LRFN5: variants seen among roughly 807,000 people sequenced by gnomAD.
LRFN5 encodes the protein leucine rich repeat and fibronectin type III domain containing 5, also known as leucine-rich repeat and fibronectin type-III domain-containing protein 5.
Under a neutral mutation model 45.6 loss-of-function variants are expected in LRFN5, and 24 were observed. The ratio of observed to expected loss-of-function variants is 0.53; its 90% CI spans 0.38 to 0.74. The LOEUF (loss-of-function observed/expected upper bound fraction) is 0.74. Ranked by LOEUF, LRFN5 falls within the 30% of genes least tolerant of loss-of-function variation. LRFN5 has a pLI of 0.00. For synonymous variants in LRFN5, 340 were observed against 313.8 expected (o/e 1.08, Z -0.88); for missense variants, 776 against 861.5 (o/e 0.90, Z 1.24).
chr14:41,665,145 GA>G (rs916142660), intron 1 of LRFN5, among the ~76,000 whole-genome samples: 4 of 148,514 alleles, frequency 2.7e-5, no homozygotes, highest in African/African-American at 4.9e-5. Context: ...TTTGTTTTTA[GA>G]AAAAAAAATG....
intron 1 of LRFN5, among the ~76,000 whole-genome samples, chr14:41,756,903 C>G (rs541527580): frequency 9.9e-5 from 15 of 152,130 alleles, no homozygotes; most frequent in Non-Finnish European, 1.5e-5. Context: ...TACCTTTGGT[C>G]TTTGATGATG....
chr14:41,649,379 A>G (rs1341036574), intron 1 of LRFN5, among the ~76,000 whole-genome samples: 1 of 152,174 alleles, frequency 6.6e-6, no homozygotes, highest in East Asian at 1.9e-4. Flanking sequence ...AAAGCACTTG[A>G]GTAAATATAT....
At chr14:41,639,949 A>ATTTTTTTTTTTT (rs34020254) in intron 1 of LRFN5, among the ~76,000 whole-genome samples, 2 of 68,036 alleles carry the variant, frequency 2.9e-5, no homozygotes, top group African/African-American at 5.7e-5. Flanking sequence ...TGACTGGCTA[A>ATTTTTTTTTTTT]TTTTTTTTTT....
At chr14:41,839,413 TAATAAC>T (rs1888781077) in intron 2 of LRFN5, among the ~76,000 whole-genome samples, 1 of 152,106 alleles carries the variant, frequency 6.6e-6, no homozygotes, top group Non-Finnish European at 1.5e-5. Flanking sequence ...TAAGATAGTA[TAATAAC>T]AATAACAATA....
intron 2 of LRFN5, among the ~76,000 whole-genome samples, chr14:41,775,093 C>CTTTTTCTTTTTTT (rs1308711451): frequency 3.6e-5 from 4 of 112,474 alleles, no homozygotes; most frequent in African/African-American, 7.0e-5. Flanking sequence ...TTTTCTTTTT[C>CTTTTTCTTTTTTT]TTTTTTTTTT....
At chr14:41,732,605 G>A (rs992916398) in intron 1 of LRFN5, among the ~76,000 whole-genome samples, 1 of 152,030 alleles carries the variant, frequency 6.6e-6, no homozygotes, top group Non-Finnish European at 1.5e-5. Flanking sequence ...AACAAAAAAT[G>A]AAAACAAGAA....
chr14:41,759,255 C>T (rs12435558), intron 1 of LRFN5, among the ~76,000 whole-genome samples: 19,806 of 152,062 alleles, frequency 0.13, 1,531 homozygotes, highest in Non-Finnish European at 0.18. Flanking sequence ...TGCAGTTCTT[C>T]GAAACTCCCA....
chr14:41,685,995 C>G (rs1260375800), intron 1 of LRFN5, among the ~76,000 whole-genome samples: 4 of 152,050 alleles, frequency 2.6e-5, no homozygotes, highest in Admixed American at 2.6e-4. Context: ...TTTTCTAATT[C>G]TGTGAAGAAT....
At chr14:41,653,695 A>T (rs1179358335) in intron 1 of LRFN5, among the ~76,000 whole-genome samples, 1 of 152,156 alleles carries the variant, frequency 6.6e-6, no homozygotes, top group African/African-American at 2.4e-5. Flanking sequence ...AATACTTAAG[A>T]AACATCACTA....
intron 1 of LRFN5, among the ~76,000 whole-genome samples, chr14:41,647,208 C>G (rs1251104927): frequency 5.3e-5 from 8 of 152,050 alleles, no homozygotes; most frequent in Non-Finnish European, 1.0e-4. Context: ...TTTGATTCTG[C>G]ATATTATAAA....
chr14:41,879,764 A>G (rs1435547046), intron 2 of LRFN5, among the ~76,000 whole-genome samples: 8 of 84,462 alleles, frequency 9.5e-5, no homozygotes, highest in African/African-American at 3.3e-4. Context: ...TAGTTTGGTA[A>G]TTTGCATTTT....
intron 1 of LRFN5, among the ~76,000 whole-genome samples, chr14:41,648,872 C>T (rs943121364): frequency 6.6e-6 from 1 of 151,954 alleles, no homozygotes; most frequent in Non-Finnish European, 1.5e-5. Flanking sequence ...AAATAATATT[C>T]TAGAACTTGC....
rs535497798 is a variant in LRFN5, at chr14:41,870,849, A to T, written c.-20-15757A>T. 7.7e-4 allele frequency among the ~76,000 whole-genome samples: 118 copies of T among 152,306 alleles called. 1 individual carries two copies. Among genetic ancestry groups the T allele is most frequent in the African/African-American group, 2.8e-3 (118 of 41,568 alleles). On this transcript the variant is annotated intron_variant, in intron 2 of 5. Transcript: ENST00000298119. ...ACACCAGGGAGTAGCAATAACAGGGACATTTTAGAATTATGCCAACATACA... is the reference window on the plus strand; with the variant it reads ...ACACCAGGGAGTAGCAATAACAGGGTCATTTTAGAATTATGCCAACATACA...
chr14:41,806,775 G>T (rs74045433), intron 2 of LRFN5, among the ~76,000 whole-genome samples: 1 of 152,116 alleles, frequency 6.6e-6, no homozygotes, highest in Non-Finnish European at 1.5e-5. Context: ...CCTGCTTACC[G>T]TACACAGACA....
chr14:41,673,162 G>A (rs549444499), intron 1 of LRFN5, among the ~76,000 whole-genome samples: 1 of 151,838 alleles, frequency 6.6e-6, no homozygotes, highest in Non-Finnish European at 1.5e-5. Flanking sequence ...TCTTTTCCCC[G>A]CCTTTCCCCT....
chr14:41,790,874 T>C (rs1229843735), intron 2 of LRFN5, among the ~76,000 whole-genome samples: 1 of 151,776 alleles, frequency 6.6e-6, no homozygotes, highest in Admixed American at 6.6e-5. Context: ...ATTTATCTTA[T>C]AATTGTTGGG....
intron 2 of LRFN5, among the ~76,000 whole-genome samples, chr14:41,790,724 C>T (rs970697338): frequency 2.0e-5 from 3 of 151,328 alleles, no homozygotes; most frequent in African/African-American, 7.3e-5. Flanking sequence ...TATCTTTTAA[C>T]AGTTATGACT....
rs1464963511 is a variant in LRFN5, at chr14:41,891,328, C to T, written c.1464C>T (p.Ala488=). The change falls in exon 4 of 6, where the codon GCC becomes GCT. Residue 488 remains alanine (A), a synonymous_variant. Transcript: ENST00000298119. ...AGTMYDLCVL[A]IYDDGITSLT... ...CTATGTATGACTTGTGTGTCTTGGCCATATATGATGATGGCATCACTTCCC... is the reference window on the plus strand; with the variant it reads ...CTATGTATGACTTGTGTGTCTTGGCTATATATGATGATGGCATCACTTCCC... The T allele has an allele frequency of 6.2e-7, 1 of 1,614,016 alleles. No individual in the cohort carries two copies. Among genetic ancestry groups the T allele is most frequent in the South Asian group, 1.1e-5 (1 of 91,068 alleles).
chr14:41,796,873 T>C (rs991394734), intron 2 of LRFN5, among the ~76,000 whole-genome samples: 1 of 151,952 alleles, frequency 6.6e-6, no homozygotes, highest in African/African-American at 2.4e-5. Flanking sequence ...TTTTTTCACG[T>C]CTTCAATCAT....
Sources: allele counts gnomAD v4.1 joint callset (sites outside exome capture counted in the v4.1 genomes callset), GRCh38; gene constraint gnomAD v4.1.1; transcripts MANE v1.5; gene names NCBI Gene and HGNC (gene_info 2026-07-23, HGNC 2026-07-21).